Variants in SLC15A1 observed in about 807,000 individuals in gnomAD.
SLC15A1 encodes the protein Caco-2 oligopeptide transporter.
A neutral mutation model predicts 92.9 loss-of-function variants in SLC15A1; 83 were observed. That is an observed-to-expected ratio of 0.89 (90% CI 0.75 to 1.07). The LOEUF (loss-of-function observed/expected upper bound fraction) is 1.07, where lower values mean the gene tolerates loss of function less well. Among genes scored for constraint, SLC15A1 ranks in the 50% least tolerant of loss-of-function variants. SLC15A1 has a pLI of 0.00. For synonymous variants in SLC15A1, 322 were observed against 318.2 expected (o/e 1.01, Z -0.13); for missense variants, 857 against 880.1 (o/e 0.97, Z 0.33).
Position 98,719,336 on chromosome 13 carries a change from AAG to A in SLC15A1, c.557-18_557-17del. ...CATTGTTGAACTGGGGAGAAATGACAAGATTAAAATTGTTATGGCATTGGTAA... is the reference window on the plus strand; with the variant it reads ...CATTGTTGAACTGGGGAGAAATGACAATTAAAATTGTTATGGCATTGGTAA... On this transcript the variant is annotated splice_polypyrimidine_tract_variant and intron_variant, in intron 7 of 22. Coordinates refer to ENST00000376503, the MANE Select transcript of SLC15A1 (RefSeq NM_005073.4). The A allele has an allele frequency of 6.3e-7, 1 of 1,593,080 alleles. No homozygotes were observed.
At chr13:98,686,767 C>T (rs554529751) in intron 21 of SLC15A1, among the ~76,000 whole-genome samples, 1 of 152,242 alleles carries the variant, frequency 6.6e-6, no homozygotes, top group East Asian at 1.9e-4. Context: ...GATTTTCTGA[C>T]TCATCTTGGC....
In SLC15A1 at chr13:98,709,773, C is replaced by T. The variant is rs750623165; in HGVS notation, c.947G>A (p.Gly316Glu). The T allele has an allele frequency of 6.8e-6, 11 of 1,613,884 alleles. No homozygotes were observed. The East Asian group carries it at 2.0e-4, about 29-fold the overall frequency. ...LQATTMSGKI[G>E]ALEIQPDQMQ... is the part of the protein sequence containing the mutation. ...CTGATCGGGCTGAATTTCAAGAGCT[C>T]CCTAAAAAGAGAGGAAAACAATCTC... The change falls in exon 13 of 23, where the codon GGA (glycine) becomes GAA (glutamate). Residue 316 changes from glycine (G) to glutamate (E), a missense_variant and splice_region_variant. Physicochemically the swap from Gly to Glu is moderately conservative, Grantham distance 98. Transcript: ENST00000376503.
chr13:98,720,046 C>A (rs2139590495), intron 7 of SLC15A1, among the ~76,000 whole-genome samples: 1 of 152,298 alleles, frequency 6.6e-6, no homozygotes, highest in South Asian at 2.1e-4. Context: ...CTATGGAATG[C>A]TGGCGCCTCC....
chr13:98,726,798 A>C, intron 2 of SLC15A1, 45 bp downstream of exon 2: 2 of 1,593,230 alleles, frequency 1.3e-6, no homozygotes, highest in Non-Finnish European at 1.7e-6. Flanking sequence ...CAGATGATAA[A>C]ATTTACAAGA....
At chr13:98,685,803 T>C (rs2087924157) in intron 22 of SLC15A1, among the ~76,000 whole-genome samples, 1 of 152,002 alleles carries the variant, frequency 6.6e-6, no homozygotes, top group African/African-American at 2.4e-5. Flanking sequence ...CTGGCCAACA[T>C]GGTGAAACAC....
intron 15 of SLC15A1, 140 bp from the exon 16 acceptor site, chr13:98,706,393 G>C: frequency 1.1e-6 from 1 of 870,300 alleles, no homozygotes; most frequent in South Asian, 1.6e-5. Flanking sequence ...CCACTAAGCT[G>C]CCAATCACAG....
chr13:98,713,641 A>T (rs2088185494), intron 9 of SLC15A1, among the ~76,000 whole-genome samples: 2 of 152,220 alleles, frequency 1.3e-5, no homozygotes, highest in South Asian at 4.1e-4. Context: ...GGCCACTAAG[A>T]TTCCTTGTTA....
chr13:98,701,836 A>AT (rs1464005320), intron 18 of SLC15A1, among the ~76,000 whole-genome samples: 4 of 151,282 alleles, frequency 2.6e-5, no homozygotes, highest in Non-Finnish European at 4.4e-5. Flanking sequence ...ACATCTGGCT[A>AT]TTTTTTTTAA....
intron 1 of SLC15A1, among the ~76,000 whole-genome samples, chr13:98,740,449 G>A (rs1373365692): frequency 2.6e-5 from 4 of 152,140 alleles, no homozygotes; most frequent in African/African-American, 4.8e-5. Flanking sequence ...CCCAGGGTCT[G>A]ACTGTGGCTC....
intron 1 of SLC15A1, among the ~76,000 whole-genome samples, chr13:98,736,458 A>G (rs2088394878): frequency 6.6e-6 from 1 of 152,210 alleles, no homozygotes; most frequent in Non-Finnish European, 1.5e-5. Flanking sequence ...AAAACACCAA[A>G]AGCAATGACA....
chr13:98,747,911 G>A (rs1230467364), intron 1 of SLC15A1, among the ~76,000 whole-genome samples: 1 of 152,090 alleles, frequency 6.6e-6, no homozygotes, highest in African/African-American at 2.4e-5. Context: ...AAAAACCCAA[G>A]GGAATCGAAA....
At position 98,741,759 on chromosome 13, in the gene SLC15A1, C is replaced by T. The variant is rs77079142; in HGVS notation, c.4+10836G>A. ...AAAAAAAAAAAGGCCTCCTTTTCCACGGCTACTTTCTTCCCCACTAGGAAG... is the reference window on the plus strand; with the variant it reads ...AAAAAAAAAAAGGCCTCCTTTTCCATGGCTACTTTCTTCCCCACTAGGAAG... On this transcript the variant is annotated intron_variant, in intron 1 of 22. Coordinates refer to ENST00000376503, the MANE Select transcript of SLC15A1 (RefSeq NM_005073.4). Among the ~76,000 whole-genome samples, 1,085 of 151,528 alleles carry T rather than the reference C, an allele frequency of 7.2e-3. 9 individuals are homozygous for T. Among genetic ancestry groups the T allele is most frequent in the Non-Finnish European group, 0.012 (820 of 67,910 alleles).
chr13:98,729,010 CAAG>C, intron 1 of SLC15A1, among the ~76,000 whole-genome samples: 1 of 56,860 alleles, frequency 1.8e-5, no homozygotes, highest in Admixed American at 1.9e-4. Flanking sequence ...AAAAAAACAA[CAAG>C]CCCCAAAACA....
chr13:98,726,974 A>G (rs1054409072), intron 1 of SLC15A1, 115 bp from the exon 2 acceptor site: 84 of 893,008 alleles, frequency 9.4e-5, no homozygotes, highest in Non-Finnish European at 1.3e-4. Context: ...TTCACCAAAC[A>G]GCTCCAGCCC....
rs543708313 is a variant in SLC15A1, at chr13:98,710,597, C to T, written c.901-686G>A. 2.6e-5 allele frequency among the ~76,000 whole-genome samples: 4 copies of T among 152,062 alleles called. No individual in the cohort carries two copies. In the East Asian group the frequency reaches 7.8e-4, roughly 29 times the overall value. On this transcript the variant is annotated intron_variant, in intron 11 of 22. Transcript: ENST00000376503. The stretch of plus-strand genomic sequence containing the variant: ...TTGGGAGGCCGAGGCGCGTGGATCA[C>T]CTGAGGTTAGGAGTTGGAGACCGGC...
intron 1 of SLC15A1, among the ~76,000 whole-genome samples, chr13:98,735,784 G>C (rs1196512713): frequency 2.0e-5 from 3 of 152,100 alleles, no homozygotes. Flanking sequence ...CAACTTACAA[G>C]GGATGTAAAG....
chr13:98,690,030 C>G (rs2087962770), intron 18 of SLC15A1, among the ~76,000 whole-genome samples: 1 of 152,202 alleles, frequency 6.6e-6, no homozygotes, highest in African/African-American at 2.4e-5. Context: ...GACCCTGAAA[C>G]TCTCATACAA....
intron 5 of SLC15A1, among the ~76,000 whole-genome samples, chr13:98,723,093 A>G (rs1407949848): frequency 6.6e-6 from 1 of 152,144 alleles, no homozygotes; most frequent in African/African-American, 2.4e-5. Flanking sequence ...TTCTTAACTG[A>G]TATTACAGAT....
At chr13:98,705,762 C>G (rs890770371) in intron 16 of SLC15A1, among the ~76,000 whole-genome samples, 43 of 152,028 alleles carry the variant, frequency 2.8e-4, no homozygotes, top group African/African-American at 9.4e-4. Flanking sequence ...TGTGGTGGCA[C>G]ACACCTGTAA....
Sources: gnomAD v4.1 joint callset for allele counts (sites outside exome capture counted in the v4.1 genomes callset) on GRCh38, gnomAD v4.1.1 for gene constraint, MANE v1.5 for transcripts, NCBI Gene and HGNC (gene_info 2026-07-23, HGNC 2026-07-21) for gene names.